Variants in SDK2 observed in about 807,000 individuals in gnomAD.
SDK2 encodes the protein sidekick cell adhesion molecule 2.
A neutral mutation model predicts 253.9 loss-of-function variants in SDK2; 105 were observed. The ratio of observed to expected loss-of-function variants is 0.41; its 90% confidence interval spans 0.35 to 0.49. The LOEUF (loss-of-function observed/expected upper bound fraction) is 0.49. Among genes scored for constraint, SDK2 ranks in the 20% least tolerant of loss-of-function variants. The pLI, the probability that SDK2 is intolerant of heterozygous loss-of-function variation, is 0.06. For missense variants in SDK2, 2,608 were observed against 3,003.0 expected (o/e 0.87, Z 3.07); for synonymous variants, 1,249 against 1,234.9 (o/e 1.01, Z -0.24).
In SDK2 at chr17:73,643,534, G is replaced by A. The variant is rs950017857; in HGVS notation, c.64+491C>T. On this transcript the variant is annotated intron_variant, in intron 1 of 44. Coordinates refer to ENST00000392650, the MANE Select transcript of SDK2 (RefSeq NM_001144952.2). This position sits in a 1 kb window ranked among gnomAD's most constrained non-coding sequence, Gnocchi z 6.9. Reference sequence around the variant, plus strand: ...AGCCGGGCAATTGCTCTCCCCGGGCGAGCAACCCGGCATCCAGCGCTCGCC... The same window carrying A: ...AGCCGGGCAATTGCTCTCCCCGGGCAAGCAACCCGGCATCCAGCGCTCGCC... Among the ~76,000 whole-genome samples the A allele has an allele frequency of 2.6e-5, 4 of 152,092 alleles. No individual in the cohort carries two copies. The highest frequency in any genetic ancestry group is 5.9e-5 in the Non-Finnish European group (4 of 67,978).
At chr17:73,588,781 G>A (rs2045641750) in intron 1 of SDK2, among the ~76,000 whole-genome samples, 1 of 152,258 alleles carries the variant, frequency 6.6e-6, no homozygotes, top group Non-Finnish European at 1.5e-5. Context: ...CCTAGGGCCG[G>A]GGCGGCACAG....
chr17:73,469,580 G>A (rs1483612014), intron 3 of SDK2, among the ~76,000 whole-genome samples: 2 of 152,160 alleles, frequency 1.3e-5, no homozygotes, highest in East Asian at 1.9e-4. Context: ...AGATGGGCCT[G>A]GTCACACCCC....
At chr17:73,521,778 T>C (rs898627250) in intron 1 of SDK2, among the ~76,000 whole-genome samples, 1 of 152,206 alleles carries the variant, frequency 6.6e-6, no homozygotes, top group African/African-American at 2.4e-5. Flanking sequence ...ACCTGTTTTC[T>C]GAGCCACAGT....
chr17:73,389,470 C>T (rs1487550892), intron 29 of SDK2, among the ~76,000 whole-genome samples: 3 of 152,138 alleles, frequency 2.0e-5, no homozygotes, highest in African/African-American at 2.4e-5. Context: ...AGGTGTGAGC[C>T]ACCATGCCCG....
At chr17:73,343,110 T>C (rs1465116817) in intron 44 of SDK2, among the ~76,000 whole-genome samples, 2 of 152,162 alleles carry the variant, frequency 1.3e-5, no homozygotes, top group Non-Finnish European at 2.9e-5. Context: ...TGGGATTCTC[T>C]AGCCCTCCTA....
chr17:73,414,116 C>T (rs1209930532), intron 18 of SDK2, among the ~76,000 whole-genome samples: 10 of 150,998 alleles, frequency 6.6e-5, no homozygotes, highest in Admixed American at 2.0e-4. Flanking sequence ...GCTGCAATCT[C>T]GGCTCACTGC....
chr17:73,643,392 C>T lies in SDK2; in HGVS notation c.64+633G>A, dbSNP rs1383336917. Among the ~76,000 whole-genome samples the T allele has an allele frequency of 6.6e-6, 1 of 152,092 alleles. No homozygotes were observed. Among genetic ancestry groups the T allele is most frequent in the Non-Finnish European group, 1.5e-5 (1 of 67,994 alleles). The stretch of plus-strand genomic sequence containing the variant: ...GAGGCCTCAGACCCTCCCTGTGCAC[C>T]ACCCCCCGGTGGGTCCGCGGCTGCA... On this transcript the variant is annotated intron_variant, in intron 1 of 44. Transcript: ENST00000392650. The surrounding 1 kb of genome is among the most constrained non-coding windows in gnomAD (Gnocchi z 6.9).
rs1282451141 is a variant in SDK2 at position 73,335,328 on chromosome 17, AT to A, written c.*3258del. ...AGATTGCTTAGGGCACAAGGAGGCAATGCCAAAGGTGCCAGGTGTGTCCTGG... is the reference window on the plus strand; with the variant it reads ...AGATTGCTTAGGGCACAAGGAGGCAAGCCAAAGGTGCCAGGTGTGTCCTGG... On this transcript the variant is annotated 3_prime_UTR_variant, in exon 45 of 45. Transcript: ENST00000392650. 6.6e-6 allele frequency: 1 copy of A among 152,256 alleles called. No homozygotes were observed. Among genetic ancestry groups the A allele is most frequent in the African/African-American group, 2.4e-5 (1 of 41,436 alleles). 9.4% of individuals were successfully genotyped at this position (152,256 alleles called of 1,614,324 possible).
At chr17:73,478,864 A>T (rs998208375) in intron 2 of SDK2, among the ~76,000 whole-genome samples, 3 of 152,256 alleles carry the variant, frequency 2.0e-5, no homozygotes, top group Admixed American at 1.3e-4. Flanking sequence ...AATAAATCAG[A>T]CGCCTGGAGA....
At chr17:73,637,596 C>T (rs2046347952) in intron 1 of SDK2, among the ~76,000 whole-genome samples, 1 of 152,176 alleles carries the variant, frequency 6.6e-6, no homozygotes, top group Admixed American at 6.5e-5. Context: ...CCAAGCTGGT[C>T]TCAAACTCCT....
intron 3 of SDK2, among the ~76,000 whole-genome samples, chr17:73,464,311 C>T (rs559141990): frequency 2.0e-5 from 3 of 152,306 alleles, no homozygotes; most frequent in South Asian, 4.1e-4. Flanking sequence ...TGGGTTCTCA[C>T]GAGATCTGAT....
intron 1 of SDK2, among the ~76,000 whole-genome samples, chr17:73,595,020 C>T (rs939613185): frequency 1.3e-5 from 2 of 152,196 alleles, no homozygotes; most frequent in African/African-American, 4.8e-5. Context: ...GGATCACCTC[C>T]TCAATCAGAA....
chr17:73,532,811 GCCATGGCC>G (rs1426590235), intron 1 of SDK2, among the ~76,000 whole-genome samples: 2 of 151,994 alleles, frequency 1.3e-5, no homozygotes, highest in East Asian at 3.9e-4. Context: ...TCTCACCGTG[GCCATGGCC>G]CCACGAGGCC....
Position 73,398,503 on chromosome 17 carries a change from C to A in SDK2, c.3094-74G>T. The A allele has an allele frequency of 2.3e-6, 3 of 1,310,390 alleles. No homozygotes were observed. In the South Asian group the frequency reaches 3.8e-5, roughly 17 times the overall value. The allele number at this position is 1,310,390 out of a possible 1,614,324, so 81.2% of individuals were successfully genotyped here. The stretch of plus-strand genomic sequence containing the variant: ...GGGGTGCTCCGAGCCCCAGTACAAG[C>A]CCTGCCAGGGAAGAAGTTGGTTCAG... On this transcript the variant is annotated intron_variant, in intron 22 of 44. Coordinates refer to ENST00000392650, the MANE Select transcript of SDK2 (RefSeq NM_001144952.2).
chr17:73,636,183 C>A (rs931161459), intron 1 of SDK2, among the ~76,000 whole-genome samples: 6 of 152,080 alleles, frequency 3.9e-5, no homozygotes, highest in Non-Finnish European at 7.3e-5. Flanking sequence ...GGCCTGGGTT[C>A]ACATCCTGAC....
chr17:73,455,881 C>T lies in SDK2; in HGVS notation c.479+25G>A, dbSNP rs771691637. 1.8e-5 allele frequency: 27 copies of T among 1,524,256 alleles called. 1 individual carries two copies. The highest frequency in any genetic ancestry group is 1.0e-4 in the East Asian group (4 of 39,706). 94.4% of individuals were successfully genotyped at this position (1,524,256 alleles called of 1,614,324 possible). ...CTCCCCCAGACACCCCTCCCCTCCCCGTCCCCTCAGAGCGATGCACTCACA... is the reference window on the plus strand; with the variant it reads ...CTCCCCCAGACACCCCTCCCCTCCCTGTCCCCTCAGAGCGATGCACTCACA... On this transcript the variant is annotated intron_variant, in intron 4 of 44. Transcript: ENST00000392650. The surrounding 1 kb of genome is among the most constrained non-coding windows in gnomAD (Gnocchi z 5.0).
At chr17:73,458,944 C>CG (rs1409802185) in intron 3 of SDK2, among the ~76,000 whole-genome samples, 1 of 152,140 alleles carries the variant, frequency 6.6e-6, no homozygotes, top group Non-Finnish European at 1.5e-5. Context: ...GCGGAGGTTG[C>CG]GGTGAGCCGA....
At chr17:73,470,146 C>T (rs1253893425) in intron 3 of SDK2, among the ~76,000 whole-genome samples, 1 of 152,156 alleles carries the variant, frequency 6.6e-6, no homozygotes, top group Non-Finnish European at 1.5e-5. Context: ...CTCAAATGCA[C>T]ACACATGAAT....
In SDK2 at chr17:73,624,910, A is replaced by G. The variant is rs80143956; in HGVS notation, c.64+19115T>C. Among the ~76,000 whole-genome samples, 1,074 of 152,382 alleles carry G rather than the reference A, an allele frequency of 7.0e-3. 11 individuals carry two copies. The highest frequency in any genetic ancestry group is 0.025 in the African/African-American group (1,046 of 41,584). The stretch of plus-strand genomic sequence containing the variant: ...GGTACAACAGAAGGAAAATCTATCC[A>G]GCCTTGCAGGATTTTCCTAATCTCT... On this transcript the variant is annotated intron_variant, in intron 1 of 44. Transcript: ENST00000392650.
Sources: gnomAD v4.1 joint callset for allele counts (sites outside exome capture counted in the v4.1 genomes callset) on GRCh38, gnomAD v4.1.1 for gene constraint, Gnocchi (gnomAD v3.1) non-coding constraint, MANE v1.5 for transcripts, NCBI Gene and HGNC (gene_info 2026-07-23, HGNC 2026-07-21) for gene names.